The following GOLGA3 variants were observed in gnomAD, a reference collection of about 807,000 sequenced individuals.
GOLGA3 encodes the protein golgin A3.
GOLGA3 carries 75 observed loss-of-function variants against 169.4 expected under a neutral mutation model. The observed-to-expected ratio is 0.44, with a 90% CI of 0.37 to 0.54. The LOEUF (loss-of-function observed/expected upper bound fraction) is 0.54, where lower values mean the gene tolerates loss of function less well. Among genes scored for constraint, GOLGA3 ranks in the 20% least tolerant of loss-of-function variants. GOLGA3 has a pLI of 0.00. For missense variants in GOLGA3, 1,899 were observed against 1,930.0 expected, an observed-to-expected ratio of 0.98 and a Z score of 0.30; for synonymous variants, 824 against 822.4, an observed-to-expected ratio of 1.00 and a Z score of -0.03.
chr12:132,815,228 A>G (rs1025800274), intron 3 of GOLGA3, among the ~76,000 whole-genome samples: 14 of 152,250 alleles, frequency 9.2e-5, no homozygotes, highest in African/African-American at 3.4e-4. Context: ...GCCTATGGCC[A>G]CCAGGCAGAT....
chr12:132,780,971 G>A, intron 17 of GOLGA3, 57 bp from the exon 18 acceptor site: 2 of 1,319,682 alleles, frequency 1.5e-6, no homozygotes, highest in Admixed American at 1.7e-5. Flanking sequence ...AAACACACAA[G>A]GCTGCTACAG....
At chr12:132,806,055 C>T (rs1054098824) in intron 6 of GOLGA3, among the ~76,000 whole-genome samples, 5 of 152,188 alleles carry the variant, frequency 3.3e-5, no homozygotes, top group Admixed American at 6.5e-5. Flanking sequence ...GAAATCGCCC[C>T]ACCACCTGCC....
intron 17 of GOLGA3, among the ~76,000 whole-genome samples, chr12:132,781,256 C>A (rs1468939084): frequency 6.6e-6 from 1 of 151,934 alleles, no homozygotes. Flanking sequence ...AAGAGCCAGA[C>A]CCTGTCTCAA....
chr12:132,801,641 T>C (rs1381415783), intron 8 of GOLGA3, 126 bp downstream of exon 8: 1 of 877,246 alleles, frequency 1.1e-6, no homozygotes, highest in East Asian at 2.5e-5. Context: ...CGGGGTGGGC[T>C]GGACAGCAGG....
At chr12:132,784,741 G>GC (rs1173918372) in intron 15 of GOLGA3, among the ~76,000 whole-genome samples, 3 of 144,458 alleles carry the variant, frequency 2.1e-5, no homozygotes, top group Non-Finnish European at 4.6e-5. Context: ...CACCCCACAC[G>GC]CACATGCTCA....
intron 15 of GOLGA3, 149 bp downstream of exon 15, chr12:132,786,189 TA>T: frequency 1.7e-6 from 1 of 600,194 alleles, no homozygotes; most frequent in Non-Finnish European, 2.9e-6. Flanking sequence ...GGGTTCCTGG[TA>T]ACCTGGAAGA....
chr12:132,792,429 G>A (rs981501129), intron 11 of GOLGA3, among the ~76,000 whole-genome samples: 19 of 152,346 alleles, frequency 1.2e-4, no homozygotes, highest in South Asian at 2.1e-4. Flanking sequence ...TACAGAACCC[G>A]GTGTTGGGCT....
chr12:132,781,694 C>T (rs1342847095), intron 17 of GOLGA3, among the ~76,000 whole-genome samples: 2 of 152,164 alleles, frequency 1.3e-5, no homozygotes, highest in East Asian at 3.8e-4. Flanking sequence ...GGATAGTCAA[C>T]ACCAGCAGCT....
chr12:132,784,876 A>T (rs2045817646), intron 15 of GOLGA3, among the ~76,000 whole-genome samples: 1 of 151,268 alleles, frequency 6.6e-6, no homozygotes, highest in Non-Finnish European at 1.5e-5. Context: ...GCACACAAAC[A>T]CTCCACACGC....
intron 6 of GOLGA3, among the ~76,000 whole-genome samples, chr12:132,806,450 G>T (rs1949406859): frequency 6.6e-6 from 1 of 152,226 alleles, no homozygotes; most frequent in African/African-American, 2.4e-5. Flanking sequence ...CAAACTGGTT[G>T]GTTTGTGTCC....
At chr12:132,825,954 C>T in intron 1 of GOLGA3, 1 of 954,908 alleles carries the variant, frequency 1.0e-6, no homozygotes, top group East Asian at 2.4e-5. Context: ...ACGCAGAGGA[C>T]CACTGTCATC....
chr12:132,799,663 C>A (rs1949035149), intron 8 of GOLGA3, among the ~76,000 whole-genome samples: 1 of 152,138 alleles, frequency 6.6e-6, no homozygotes, highest in Non-Finnish European at 1.5e-5. Flanking sequence ...GCAGATAGGG[C>A]TCTGGAGCCA....
chr12:132,805,571 G>A (rs1949353311), intron 6 of GOLGA3, among the ~76,000 whole-genome samples: 1 of 90,528 alleles, frequency 1.1e-5, no homozygotes, highest in South Asian at 4.9e-4. Flanking sequence ...CTCTCCCAAG[G>A]CCTGACAGGG....
intron 4 of GOLGA3, among the ~76,000 whole-genome samples, chr12:132,809,225 C>T (rs1025742248): frequency 6.6e-6 from 1 of 152,226 alleles, no homozygotes; most frequent in South Asian, 2.1e-4. Context: ...TAATTTACTA[C>T]TGCTGTCTAG....
At chr12:132,786,946 AC>A (rs2045934745) in intron 13 of GOLGA3, among the ~76,000 whole-genome samples, 159 bp from the exon 14 acceptor site, 1 of 150,248 alleles carries the variant, frequency 6.7e-6, no homozygotes, top group African/African-American at 2.5e-5. Flanking sequence ...CTGCCTTCTT[AC>A]AAACCACTCT....
chr12:132,773,862 G>A (rs1453930749), intron 23 of GOLGA3, among the ~76,000 whole-genome samples: 2 of 117,738 alleles, frequency 1.7e-5, no homozygotes, highest in African/African-American at 7.1e-5. Flanking sequence ...ATAAACCGCA[G>A]AGGCTGTGAG....
chr12:132,815,492 G>A (rs1387141491), intron 3 of GOLGA3, among the ~76,000 whole-genome samples: 1 of 152,238 alleles, frequency 6.6e-6, no homozygotes, highest in Non-Finnish European at 1.5e-5. Flanking sequence ...CAACTTAAAT[G>A]CTGGCAGTGA....
At position 132,773,229 on chromosome 12, in the gene GOLGA3, G is replaced by A; in HGVS notation, c.4373C>T (p.Ser1458Phe). 6.4e-7 allele frequency: 1 copy of A among 1,565,314 alleles called. No homozygotes were observed. The highest frequency in any genetic ancestry group is 8.7e-7 in the Non-Finnish European group (1 of 1,151,690). ...GGCTGGCTCCAGCGGCGTCCACGAGGACAGAGACTCGTGCACCGTCAGGGC... is the reference window on the plus strand; with the variant it reads ...GGCTGGCTCCAGCGGCGTCCACGAGAACAGAGACTCGTGCACCGTCAGGGC... ...EHALTVHESL[S>F]SWTPLEPATA... Residue 1458 changes from serine to phenylalanine, a missense_variant, in exon 24 of 24, where the codon TCC becomes TTC. Coordinates refer to ENST00000450791, the MANE Select transcript of GOLGA3 (RefSeq NM_001389683.1).
At chr12:132,788,944 G>GACACAGGCCCCC in intron 13 of GOLGA3, 83 bp downstream of exon 13, 8 of 186,842 alleles carry the variant, frequency 4.3e-5, no homozygotes, top group East Asian at 1.2e-4. Flanking sequence ...CACAGGCCCC[G>GACACAGGCCCCC]CCCCAGACAC....
Sources: allele counts gnomAD v4.1 joint callset (sites outside exome capture counted in the v4.1 genomes callset), GRCh38; gene constraint gnomAD v4.1.1; transcripts MANE v1.5; gene names NCBI Gene and HGNC (gene_info 2026-07-23, HGNC 2026-07-21).